OXR1: variants seen among roughly 807,000 people sequenced by gnomAD.
OXR1 encodes oxidation resistance 1.
In OXR1, 41 loss-of-function variants were observed where a neutral mutation model predicts 104.6. The ratio of observed to expected loss-of-function variants is 0.39; its 90% CI spans 0.31 to 0.51. The LOEUF (loss-of-function observed/expected upper bound fraction) is 0.51, where lower values mean the gene tolerates loss of function less well. Among genes scored for constraint, OXR1 ranks in the 20% least tolerant of loss-of-function variants. The pLI is 0.77. For synonymous variants in OXR1, 348 were observed against 348.4 expected (o/e 1.00, Z 0.01); for missense variants, 955 against 1,031.9 (o/e 0.93, Z 1.02).
intron 1 of OXR1, among the ~76,000 whole-genome samples, chr8:106,283,425 G>T (rs970830878): frequency 1.3e-5 from 2 of 152,150 alleles, no homozygotes; most frequent in Non-Finnish European, 2.9e-5. Context: ...AAGGACCGAC[G>T]TCAAACTTCC....
intron 11 of OXR1, among the ~76,000 whole-genome samples, chr8:106,737,089 A>G (rs1442724473): frequency 6.6e-6 from 1 of 152,112 alleles, no homozygotes; most frequent in African/African-American, 2.4e-5. Context: ...TTCTTCCAGC[A>G]TGGCCATTAG....
At chr8:106,389,918 T>G (rs1415442993) in intron 2 of OXR1, among the ~76,000 whole-genome samples, 1 of 152,036 alleles carries the variant, frequency 6.6e-6, no homozygotes, top group South Asian at 2.1e-4. Context: ...ATACAAAAAT[T>G]AGCTGGAAGT....
intron 3 of OXR1, among the ~76,000 whole-genome samples, chr8:106,670,730 T>C (rs1826856783): frequency 6.6e-6 from 1 of 151,338 alleles, no homozygotes; most frequent in East Asian, 1.9e-4. Flanking sequence ...AAGAGGAAAA[T>C]ATAGGAGAAG....
chr8:106,393,305 C>A (rs1817654079), intron 2 of OXR1, among the ~76,000 whole-genome samples: 1 of 152,108 alleles, frequency 6.6e-6, no homozygotes, highest in Non-Finnish European at 1.5e-5. Context: ...TGTCATAAAC[C>A]ATGTGAGATA....
At chr8:106,376,349 C>T (rs1448158654) in intron 2 of OXR1, among the ~76,000 whole-genome samples, 2 of 152,080 alleles carry the variant, frequency 1.3e-5, no homozygotes, top group East Asian at 1.9e-4. Context: ...TTCTCATCAT[C>T]GTAAATTATT....
chr8:106,332,993 T>C (rs1041103025), intron 1 of OXR1, among the ~76,000 whole-genome samples: 5 of 152,166 alleles, frequency 3.3e-5, no homozygotes, highest in African/African-American at 1.2e-4. Flanking sequence ...TGCTTTATGA[T>C]TGAATAATAT....
At chr8:106,632,856 T>C (rs1380069601) in intron 3 of OXR1, among the ~76,000 whole-genome samples, 5 of 152,136 alleles carry the variant, frequency 3.3e-5, no homozygotes. Context: ...GGAGGCTCAC[T>C]TGAGCCCAGG....
intron 3 of OXR1, among the ~76,000 whole-genome samples, chr8:106,635,538 G>A (rs1823058252): frequency 6.6e-6 from 1 of 152,088 alleles, no homozygotes; most frequent in Non-Finnish European, 1.5e-5. Context: ...TCCGCCTCCT[G>A]GGTTCAAACG....
rs1157964258 is a variant in OXR1 at position 106,313,455 on chromosome 8, T to A, written c.-139+43088T>A. 2.0e-5 allele frequency among the ~76,000 whole-genome samples: 3 copies of A among 152,288 alleles called. No individual in the cohort carries two copies. The East Asian group carries it at 5.8e-4, about 29-fold the overall frequency. On this transcript the variant is annotated intron_variant, in intron 1 of 16. Transcript: ENST00000517566. ...GAAGCACACTGTTTTCCATGGTTGT[T>A]TGATTTTCATTTGGGTGTTTTGAAT...
At chr8:106,627,611 A>G (rs921173349) in intron 3 of OXR1, among the ~76,000 whole-genome samples, 3 of 152,142 alleles carry the variant, frequency 2.0e-5, no homozygotes, top group Admixed American at 6.5e-5. Flanking sequence ...GAACTACCCA[A>G]ATGTTTTTAG....
chr8:106,694,462 T>TAGAA (rs1829640669), intron 7 of OXR1, among the ~76,000 whole-genome samples: 1 of 130,254 alleles, frequency 7.7e-6, no homozygotes, highest in Non-Finnish European at 1.6e-5. Flanking sequence ...ATATTTGATA[T>TAGAA]ATAAATATAT....
intron 1 of OXR1, among the ~76,000 whole-genome samples, chr8:106,292,336 C>T (rs1812787966): frequency 6.6e-6 from 1 of 151,988 alleles, no homozygotes; most frequent in South Asian, 2.1e-4. Context: ...GCTGAAGTTG[C>T]AAAAATCTGC....
At chr8:106,620,988 A>G (rs1414711328) in intron 3 of OXR1, among the ~76,000 whole-genome samples, 2 of 152,230 alleles carry the variant, frequency 1.3e-5, no homozygotes, top group Admixed American at 6.5e-5. Context: ...AATTCATTCC[A>G]AATTAGAAAG....
At chr8:106,401,580 A>G (rs1818004498) in intron 2 of OXR1, among the ~76,000 whole-genome samples, 1 of 152,096 alleles carries the variant, frequency 6.6e-6, no homozygotes, top group Admixed American at 6.5e-5. Context: ...CACTCAGTAG[A>G]TTAGTTGGAG....
chr8:106,384,206 T>C (rs1396310199), intron 2 of OXR1, among the ~76,000 whole-genome samples: 1 of 152,230 alleles, frequency 6.6e-6, no homozygotes, highest in Non-Finnish European at 1.5e-5. Context: ...TTAAGACCAA[T>C]TGGAGTCTGT....
In OXR1 at chr8:106,697,451, G is replaced by A. The variant is rs554287179; in HGVS notation, c.675+4574G>A. The A allele has an allele frequency of 2.5e-5, 39 of 1,565,030 alleles. 1 individual carries two copies. The South Asian group carries it at 4.0e-4, about 16-fold the overall frequency. The stretch of plus-strand genomic sequence containing the variant: ...AAAGGATCTGGTGTGGCATCCAGTA[G>A]CCAGTCATGCCTGCCTGAGATGCCC... On this transcript the variant is annotated intron_variant, in intron 7 of 16. Coordinates refer to ENST00000517566, the MANE Select transcript of OXR1 (RefSeq NM_001198533.2).
At chr8:106,604,929 A>G (rs79344410) in intron 3 of OXR1, 1 of 152,208 alleles carries the variant, frequency 6.6e-6, no homozygotes, top group East Asian at 1.9e-4. Flanking sequence ...TGTGATTCAC[A>G]CATTTCTTTT....
At chr8:106,500,282 G>A (rs1049626221) in intron 2 of OXR1, among the ~76,000 whole-genome samples, 5 of 152,188 alleles carry the variant, frequency 3.3e-5, no homozygotes, top group African/African-American at 1.2e-4. Flanking sequence ...CAGGCAGTCC[G>A]GCGCCAGGCC....
intron 3 of OXR1, among the ~76,000 whole-genome samples, chr8:106,664,953 G>A (rs1358148590): frequency 6.6e-6 from 1 of 152,108 alleles, no homozygotes; most frequent in Admixed American, 6.6e-5. Context: ...CAAGAGTTAG[G>A]TTCCTACCAT....
Sources: gnomAD v4.1 joint callset for allele counts (sites outside exome capture counted in the v4.1 genomes callset) on GRCh38, gnomAD v4.1.1 for gene constraint, MANE v1.5 for transcripts, NCBI Gene and HGNC (gene_info 2026-07-23, HGNC 2026-07-21) for gene names.